The following ESF1 variants were observed in gnomAD, a reference collection of about 807,000 sequenced individuals.
The protein encoded by ESF1 is ESF1 nucleolar pre-rRNA processing protein.
Under a neutral mutation model 92.0 loss-of-function variants are expected in ESF1, and 58 were observed. The observed-to-expected ratio is 0.63, with a 90% CI of 0.51 to 0.78. The LOEUF (loss-of-function observed/expected upper bound fraction) is 0.78. ESF1 is among the 30% of genes least tolerant of loss of function. The pLI is 0.00. For synonymous variants in ESF1, 321 were observed against 313.7 expected (o/e 1.02, Z -0.24); for missense variants, 922 against 989.1 (o/e 0.93, Z 0.91).
chr20:13,749,909 C>T (rs6079160), intron 9 of ESF1, among the ~76,000 whole-genome samples: 14,157 of 152,120 alleles, frequency 0.093, 818 homozygotes, highest in Non-Finnish European at 0.13. Context: ...GCTATCCCAC[C>T]ACCCACCCTC....
chr20:13,779,186 TTAC>T (rs1980072854), intron 2 of ESF1, among the ~76,000 whole-genome samples: 1 of 152,106 alleles, frequency 6.6e-6, no homozygotes, highest in South Asian at 2.1e-4. Context: ...ACTGTAAACA[TTAC>T]TACTTATCCA....
intron 11 of ESF1, among the ~76,000 whole-genome samples, chr20:13,725,246 CA>C (rs2049893710): frequency 6.6e-6 from 1 of 152,174 alleles, no homozygotes; most frequent in Non-Finnish European, 1.5e-5. Context: ...ATCCTTCTGC[CA>C]CCAAATATAC....
chr20:13,748,519 C>CAT (rs201176775), intron 9 of ESF1, among the ~76,000 whole-genome samples: 62 of 134,534 alleles, frequency 4.6e-4, no homozygotes, highest in African/African-American at 9.9e-4. Context: ...TATATATACA[C>CAT]ATATATATAT....
At position 13,728,450 on chromosome 20, in the gene ESF1, C is replaced by G; in HGVS notation, c.1966G>C (p.Ala656Pro). The G allele has an allele frequency of 4.3e-6, 7 of 1,610,914 alleles. No individual in the cohort carries two copies. Among genetic ancestry groups the G allele is most frequent in the Non-Finnish European group, 5.1e-6 (6 of 1,178,554 alleles). ...KRKQKALAEE[A>P]SEEELPSDVD... Reference sequence around the variant, plus strand: ...TCAGAGGGAAGTTCCTCTTCACTGGCCTCTTCAGCAAGAGCCTTAAAAGTT... The same window carrying G: ...TCAGAGGGAAGTTCCTCTTCACTGGGCTCTTCAGCAAGAGCCTTAAAAGTT... Residue 656 changes from alanine to proline, a missense_variant, in exon 11 of 14, where the codon GCC becomes CCC. Coordinates refer to ENST00000617257, the MANE Select transcript of ESF1 (RefSeq NM_001276380.2).
rs772392440 is a variant in ESF1, at chr20:13,782,475, CCAAGAATCT to C, written c.637+20_637+28del. 2.0e-6 allele frequency: 3 copies of C among 1,469,192 alleles called. No homozygotes were observed. The highest frequency in any genetic ancestry group is 2.7e-6 in the Non-Finnish European group (3 of 1,115,788). 91.0% of individuals were successfully genotyped at this position (1,469,192 alleles called of 1,614,324 possible). ...AGTATAAAAATAAATAATGTAACAC[CCAAGAATCT>C]CTAATTTTTTCCAACCTACCTGATT... On this transcript the variant is annotated intron_variant, in intron 2 of 13. Transcript: ENST00000617257.
chr20:13,755,578 G>A (rs1393348451), intron 9 of ESF1, among the ~76,000 whole-genome samples: 2 of 152,048 alleles, frequency 1.3e-5, no homozygotes, highest in Non-Finnish European at 2.9e-5. Flanking sequence ...CTTTAGCAAC[G>A]CATTGAGATA....
At chr20:13,729,686 A>G (rs1200683035) in intron 10 of ESF1, among the ~76,000 whole-genome samples, 1 of 152,204 alleles carries the variant, frequency 6.6e-6, no homozygotes, top group Non-Finnish European at 1.5e-5. Flanking sequence ...AACATACACA[A>G]AAGTAGGACA....
At chr20:13,752,363 C>T (rs1294000587) in intron 9 of ESF1, among the ~76,000 whole-genome samples, 2 of 152,220 alleles carry the variant, frequency 1.3e-5, no homozygotes, top group East Asian at 1.9e-4. Context: ...TTCCTCCCCA[C>T]CACCAAAATC....
intron 11 of ESF1, among the ~76,000 whole-genome samples, chr20:13,722,176 G>A (rs1172825731): frequency 1.3e-5 from 2 of 152,020 alleles, no homozygotes; most frequent in African/African-American, 4.8e-5. Flanking sequence ...AACTATTTCA[G>A]ATTTTATAAC....
intron 11 of ESF1, among the ~76,000 whole-genome samples, chr20:13,721,303 T>C (rs778841553): frequency 1.3e-5 from 2 of 152,204 alleles, no homozygotes; most frequent in Admixed American, 6.5e-5. Context: ...TGAGCACTTA[T>C]TATGTTGCGA....
At chr20:13,742,299 C>T (rs934091573) in intron 9 of ESF1, among the ~76,000 whole-genome samples, 3 of 151,916 alleles carry the variant, frequency 2.0e-5, no homozygotes, top group Non-Finnish European at 2.9e-5. Context: ...GGCAAAACCC[C>T]GTCTCTACTA....
At chr20:13,741,956 A>G (rs1443508567) in intron 9 of ESF1, among the ~76,000 whole-genome samples, 2 of 152,172 alleles carry the variant, frequency 1.3e-5, no homozygotes, top group Non-Finnish European at 2.9e-5. Flanking sequence ...TGGCCAAAAA[A>G]CATCTATTAG....
intron 11 of ESF1, among the ~76,000 whole-genome samples, chr20:13,726,045 G>A (rs2049898636): frequency 6.6e-6 from 1 of 152,084 alleles, no homozygotes; most frequent in Non-Finnish European, 1.5e-5. Context: ...TATATCTAGA[G>A]TTCCATTCTC....
At chr20:13,772,728 A>G in intron 4 of ESF1, 113 bp from the exon 5 acceptor site, 4 of 686,990 alleles carry the variant, frequency 5.8e-6, no homozygotes, top group Non-Finnish European at 1.0e-5. Flanking sequence ...GAAAACAGTA[A>G]GGGTGACTCA....
At chr20:13,779,107 T>G (rs1980069120) in intron 2 of ESF1, among the ~76,000 whole-genome samples, 1 of 152,160 alleles carries the variant, frequency 6.6e-6, no homozygotes, top group East Asian at 1.9e-4. Context: ...TACACAGCCT[T>G]GTGCAAGATA....
chr20:13,784,740 A>C (rs1234947343), intron 1 of ESF1, 140 bp downstream of exon 1: 3 of 342,298 alleles, frequency 8.8e-6, no homozygotes, highest in Non-Finnish European at 1.7e-5. Context: ...AGACCGAAAA[A>C]GGCTCAGGAG....
chr20:13,772,207 A>G (rs1979721046), intron 5 of ESF1, among the ~76,000 whole-genome samples: 1 of 151,976 alleles, frequency 6.6e-6, no homozygotes, highest in Non-Finnish European at 1.5e-5. Flanking sequence ...AAAAAAAAGC[A>G]AAACGTACTA....
chr20:13,782,924 C>T lies in ESF1; in HGVS notation c.217G>A (p.Asp73Asn), dbSNP rs772282241. Residue 73 changes from aspartate (D) to asparagine (N), a missense_variant, in exon 2 of 14, where the codon GAC becomes AAC. Transcript: ENST00000617257. ...STTEDLKRFYDLSDSDSNLSG... is the reference protein window; with the variant it reads ...STTEDLKRFYNLSDSDSNLSG... ...AGATTGGAATCAGAATCTGAAAGGTCGTAAAAACGCTTCAAATCCTCTGTA... is the reference window on the plus strand; with the variant it reads ...AGATTGGAATCAGAATCTGAAAGGTTGTAAAAACGCTTCAAATCCTCTGTA... 3.8e-5 allele frequency: 62 copies of T among 1,613,972 alleles called. No homozygotes were observed. The highest frequency in any genetic ancestry group is 6.7e-5 in the East Asian group (3 of 44,882).
intron 2 of ESF1, 85 bp downstream of exon 2, chr20:13,782,416 ATAC>A: frequency 5.3e-6 from 6 of 1,130,290 alleles, no homozygotes; most frequent in Non-Finnish European, 7.2e-6. Flanking sequence ...TACTATGAAA[ATAC>A]TTATTAATGT....
Sources: gnomAD v4.1 joint callset for allele counts (sites outside exome capture counted in the v4.1 genomes callset) on GRCh38, gnomAD v4.1.1 for gene constraint, MANE v1.5 for transcripts, NCBI Gene and HGNC (gene_info 2026-07-23, HGNC 2026-07-21) for gene names.